Variants in ARHGEF15 observed in about 807,000 individuals in gnomAD.
ARHGEF15 encodes Rho guanine nucleotide exchange factor (GEF) 15.
In ARHGEF15, 58 loss-of-function variants were observed where a neutral mutation model predicts 79.7. That is an observed-to-expected ratio of 0.73 (90% CI 0.59 to 0.91). The LOEUF is 0.91. Among genes scored for constraint, ARHGEF15 ranks in the 40% least tolerant of loss-of-function variants. The pLI, the probability that ARHGEF15 is intolerant of heterozygous loss-of-function variation, is 0.00. For missense variants in ARHGEF15, 1,012 were observed against 1,108.1 expected (o/e 0.91, Z 1.23); for synonymous variants, 442 against 456.0 (o/e 0.97, Z 0.39).
chr17:8,317,448 T>C (rs1905097518), intron 9 of ARHGEF15, among the ~76,000 whole-genome samples: 1 of 152,164 alleles, frequency 6.6e-6, no homozygotes, highest in African/African-American at 2.4e-5. Flanking sequence ...TATCAGTGTC[T>C]TTATGATCTT....
Position 8,312,011 on chromosome 17 carries a change from C to T in ARHGEF15, c.-29C>T, listed in dbSNP as rs760391625. The T allele has an allele frequency of 6.3e-5, 97 of 1,545,948 alleles. No individual in the cohort carries two copies. Among genetic ancestry groups the T allele is most frequent in the Non-Finnish European group, 8.0e-5 (92 of 1,149,132 alleles). ...CTCAGGGGATGACTCCAGCAGAGCA[C>T]CTCACTCCTTTGAAGAGCACAGAGG... On this transcript the variant is annotated 5_prime_UTR_variant, in exon 2 of 16. Coordinates refer to ENST00000361926, the MANE Select transcript of ARHGEF15 (RefSeq NM_173728.4).
rs116752213 is a variant in ARHGEF15 at position 8,314,787 on chromosome 17, C to T, written c.990-119C>T. ...AAGCCTGAGGTTTGATTTGGGGAGC[C>T]GTCAGGGTCCCTACATCCAACCTGC... On this transcript the variant is annotated intron_variant, in intron 4 of 15. Coordinates refer to ENST00000361926, the MANE Select transcript of ARHGEF15 (RefSeq NM_173728.4). The T allele has an allele frequency of 2.2e-5, 24 of 1,091,970 alleles. No homozygotes were observed. The African/African-American group carries it at 2.8e-4, about 13-fold the overall frequency. 67.6% of individuals were successfully genotyped at this position (1,091,970 alleles called of 1,614,324 possible).
At position 8,315,024 on chromosome 17, in the gene ARHGEF15, G is replaced by C. The variant is rs751722493; in HGVS notation, c.1049-42G>C. 6 of 1,613,694 alleles carry C rather than the reference G, an allele frequency of 3.7e-6. No homozygotes were observed. The South Asian group carries it at 6.6e-5, about 18-fold the overall frequency. ...ACCATCAAGCAGTGGGGAAGGGTTT[G>C]GGAGCCCTGGGCTTCCCTGAAGTGC... On this transcript the variant is annotated intron_variant, in intron 5 of 15. Transcript: ENST00000361926. This position sits in a 1 kb window ranked among gnomAD's most constrained non-coding sequence, Gnocchi z 4.3.
intron 9 of ARHGEF15, among the ~76,000 whole-genome samples, chr17:8,316,962 T>C (rs1905065129): frequency 6.6e-6 from 1 of 152,050 alleles, no homozygotes; most frequent in African/African-American, 2.4e-5. Flanking sequence ...TTTGTATTAT[T>C]AGTAGAGATG....
chr17:8,320,897 A>C lies in ARHGEF15; in HGVS notation c.2430A>C (p.Thr810=). 6.2e-7 allele frequency: 1 copy of C among 1,613,912 alleles called. No homozygotes were observed. Among genetic ancestry groups the C allele is most frequent in the Non-Finnish European group, 8.5e-7 (1 of 1,179,976 alleles). ...CTGCCCAGCTGGTGTGTGAAGTCACAGGGGAACACGAAAGGAGGAGGCACC... is the reference window on the plus strand; with the variant it reads ...CTGCCCAGCTGGTGTGTGAAGTCACCGGGGAACACGAAAGGAGGAGGCACC... The part of the protein sequence containing the change: ...AFPAQLVCEV[T]GEHERRRHLR... Residue 810 remains threonine (T), a synonymous_variant, in exon 16 of 16, where the codon ACA becomes ACC. Transcript: ENST00000361926.
intron 15 of ARHGEF15, among the ~76,000 whole-genome samples, chr17:8,320,036 T>A (rs1302574154): frequency 6.6e-6 from 1 of 151,798 alleles, no homozygotes; most frequent in African/African-American, 2.4e-5. Context: ...TGCCTCAGGC[T>A]CCCAAAGTGC....
rs1905441167 is a variant in ARHGEF15 at position 8,322,364 on chromosome 17, C to T, written c.*1371C>T. The T allele has an allele frequency of 6.6e-6, 1 of 152,392 alleles. No homozygotes were observed. Among genetic ancestry groups the T allele is most frequent in the Admixed American group, 6.5e-5 (1 of 15,294 alleles). The allele number at this position is 152,392 out of a possible 1,614,324, so 9.4% of individuals were successfully genotyped here. A position where few individuals can be genotyped will look rare whatever the true frequency, so the allele number is the denominator to read the frequency against. On this transcript the variant is annotated 3_prime_UTR_variant, in exon 16 of 16. Coordinates refer to ENST00000361926, the MANE Select transcript of ARHGEF15 (RefSeq NM_173728.4). ...CACAGCAACTTGCCCAGGACTGACACTGTCACCCTGACTGCAGGAGGCACA... is the reference window on the plus strand; with the variant it reads ...CACAGCAACTTGCCCAGGACTGACATTGTCACCCTGACTGCAGGAGGCACA...
chr17:8,315,565 T>C lies in ARHGEF15; in HGVS notation c.1412T>C (p.Val471Ala). 6.2e-7 allele frequency: 1 copy of C among 1,608,094 alleles called. No homozygotes were observed. Among genetic ancestry groups the C allele is most frequent in the Non-Finnish European group, 8.5e-7 (1 of 1,179,878 alleles). ...TCCAATGTGCAGCGAGTCCAGGGAG[T>C]CAGCGAGCGGTCAGTGGCTTTCCGT... ...LFSNVQRVQG[V>A]SERFLATLLS... Residue 471 changes from valine to alanine, a missense_variant, in exon 7 of 16, where the codon GTC (valine) becomes GCC (alanine). Transcript: ENST00000361926. The surrounding 1 kb of genome is among the most constrained non-coding windows in gnomAD (Gnocchi z 4.3).
intron 15 of ARHGEF15, among the ~76,000 whole-genome samples, chr17:8,319,945 C>CT (rs33999460): frequency 0.6 from 83,781 of 140,400 alleles, 24,965 homozygotes; most frequent in Middle Eastern, 0.73. Flanking sequence ...TATTTCTATT[C>CT]TTTTTTTTTT....
At chr17:8,316,407 A>C (rs1905033739) in intron 9 of ARHGEF15, among the ~76,000 whole-genome samples, 1 of 152,144 alleles carries the variant, frequency 6.6e-6, no homozygotes, top group Admixed American at 6.5e-5. Flanking sequence ...CATGAGTTCC[A>C]CACCTAGCTC....
In ARHGEF15 at chr17:8,315,740, C is replaced by T. The variant is rs1395194579; in HGVS notation, c.1422-15C>T. On this transcript the variant is annotated splice_polypyrimidine_tract_variant and intron_variant, in intron 7 of 15. Transcript: ENST00000361926. This position sits in a 1 kb window ranked among gnomAD's most constrained non-coding sequence, Gnocchi z 4.3. Reference sequence around the variant, plus strand: ...CTCTGCCCCGCCCCATTGCTTGCTTCCCCAATTCCTTCAGGTTTCTAGCAA... The same window carrying T: ...CTCTGCCCCGCCCCATTGCTTGCTTTCCCAATTCCTTCAGGTTTCTAGCAA... 6.2e-7 allele frequency: 1 copy of T among 1,609,004 alleles called. No homozygotes were observed. The highest frequency in any genetic ancestry group is 1.7e-5 in the Admixed American group (1 of 59,700).
rs1237300428 is a variant in ARHGEF15 at position 8,316,273 on chromosome 17, A to C, written c.1704+125A>C. 7 of 1,376,296 alleles carry C rather than the reference A, an allele frequency of 5.1e-6. No individual in the cohort carries two copies. In the Admixed American group the frequency reaches 1.2e-4, roughly 25 times the overall value. The allele number at this position is 1,376,296 out of a possible 1,614,324, so 85.3% of individuals were successfully genotyped here. On this transcript the variant is annotated intron_variant, in intron 9 of 15. Coordinates refer to ENST00000361926, the MANE Select transcript of ARHGEF15 (RefSeq NM_173728.4). The stretch of plus-strand genomic sequence containing the variant: ...CCTTAAACATAAAATCCCCCAAATC[A>C]TAACTCCGAATCTGGGTCTCTCAGC...
chr17:8,312,028 G>A lies in ARHGEF15; in HGVS notation c.-12G>A, dbSNP rs1278057567. On this transcript the variant is annotated 5_prime_UTR_variant, in exon 2 of 16. Transcript: ENST00000361926. ...GCAGAGCACCTCACTCCTTTGAAGA[G>A]CACAGAGGAAGATGTCAGCCCAGTC... 1.9e-6 allele frequency: 3 copies of A among 1,577,902 alleles called. No homozygotes were observed. Among genetic ancestry groups the A allele is most frequent in the African/African-American group, 1.4e-5 (1 of 73,534 alleles).
chr17:8,313,152 C>T lies in ARHGEF15; in HGVS notation c.832C>T (p.Leu278Phe), dbSNP rs779930486. Residue 278 changes from leucine to phenylalanine, a missense_variant, in exon 3 of 16, where the codon CTC becomes TTC. Leu to Phe is a conservative substitution (Grantham distance 22). Transcript: ENST00000361926. ...STAERKLLPL[L>F]KPPKPTRVRQ... Reference sequence around the variant, plus strand: ...TGCTGAGCGCAAACTCCTGCCACTCCTCAAGCCTCCCAAACCAACTCGTGT... The same window carrying T: ...TGCTGAGCGCAAACTCCTGCCACTCTTCAAGCCTCCCAAACCAACTCGTGT... 31 of 1,612,718 alleles carry T rather than the reference C, an allele frequency of 1.9e-5. No individual in the cohort carries two copies. Among genetic ancestry groups the T allele is most frequent in the Non-Finnish European group, 2.5e-5 (29 of 1,180,012 alleles).
At chr17:8,312,867 C>CG in intron 2 of ARHGEF15, 55 bp from the exon 3 acceptor site, 2 of 1,561,472 alleles carry the variant, frequency 1.3e-6, no homozygotes, top group Non-Finnish European at 1.7e-6. Flanking sequence ...ATGGTCTGGG[C>CG]GGGGGTGGAG....
intron 3 of ARHGEF15, 74 bp downstream of exon 3, chr17:8,313,328 C>A (rs1443945006): frequency 1.3e-6 from 2 of 1,536,752 alleles, no homozygotes. Flanking sequence ...TAAAGCCCAG[C>A]AAACTACAAT....
Position 8,312,569 on chromosome 17 carries a change from C to A in ARHGEF15, c.530C>A (p.Ala177Glu), listed in dbSNP as rs375713883. 1.4e-5 allele frequency: 22 copies of A among 1,609,880 alleles called. No homozygotes were observed. The highest frequency in any genetic ancestry group is 1.9e-5 in the Non-Finnish European group (22 of 1,177,956). Residue 177 changes from alanine (A) to glutamate (E), a missense_variant, in exon 2 of 16, where the codon GCG becomes GAG. Physicochemically the swap from Ala to Glu is moderately radical, Grantham distance 107 (BLOSUM62 -1). Transcript: ENST00000361926. ...GATGCCCCGGAGCCAGGTCTCCAAG[C>A]GAGAGCAGATGTGAATGGGGAGAGA... ...DADAPEPGLQ[A>E]RADVNGEREA...
intron 9 of ARHGEF15, among the ~76,000 whole-genome samples, chr17:8,316,875 C>T (rs1029902935): frequency 2.0e-5 from 3 of 152,174 alleles, no homozygotes; most frequent in South Asian, 2.1e-4. Flanking sequence ...CTCTGCCTCC[C>T]GGGTTCAAGC....
Position 8,315,166 on chromosome 17 carries a change from C to A in ARHGEF15, c.1149C>A (p.Pro383=). ...SPSPANAGDA[P]TFPRPPGPRN... is the part of the protein sequence containing the mutation. Reference sequence around the variant, plus strand: ...CTCCAGCAAATGCTGGAGATGCACCCACCTTCCCACGACCCCCTGGACCTC... The same window carrying A: ...CTCCAGCAAATGCTGGAGATGCACCAACCTTCCCACGACCCCCTGGACCTC... Residue 383 remains proline (P), a synonymous_variant, in exon 6 of 16, where the codon CCC becomes CCA. Coordinates refer to ENST00000361926, the MANE Select transcript of ARHGEF15 (RefSeq NM_173728.4). The surrounding 1 kb of genome is among the most constrained non-coding windows in gnomAD (Gnocchi z 4.3). 3 of 1,614,066 alleles carry A rather than the reference C, an allele frequency of 1.9e-6. No homozygotes were observed. Among genetic ancestry groups the A allele is most frequent in the Non-Finnish European group, 2.5e-6 (3 of 1,180,004 alleles).
Sources: gnomAD v4.1 joint callset for allele counts (sites outside exome capture counted in the v4.1 genomes callset) on GRCh38, gnomAD v4.1.1 for gene constraint, Gnocchi (gnomAD v3.1) non-coding constraint, MANE v1.5 for transcripts, NCBI Gene and HGNC (gene_info 2026-07-23, HGNC 2026-07-21) for gene names.